Variants in KHDRBS2 observed in about 807,000 individuals in gnomAD.
KHDRBS2 encodes the protein KH domain-containing, RNA-binding, signal transduction-associated protein 2.
Under a neutral mutation model 44.3 loss-of-function variants are expected in KHDRBS2, and 26 were observed. The observed-to-expected ratio is 0.59, with a 90% CI of 0.43 to 0.81. KHDRBS2 has a LOEUF of 0.81. Ranked by LOEUF, KHDRBS2 falls within the 40% of genes least tolerant of loss-of-function variation. The probability of loss-of-function intolerance (pLI) is 0.00; values close to 1 mark genes in which losing one functional copy is unlikely to be tolerated. For missense variants in KHDRBS2, 476 were observed against 433.1 expected (o/e 1.10, Z -0.88); for synonymous variants, 194 against 151.1 (o/e 1.28, Z -2.08).
At chr6:61,988,047 GTTAGTGCCAAACACAAGTGA>G (rs1775396806) in intron 3 of KHDRBS2, among the ~76,000 whole-genome samples, 1 of 152,166 alleles carries the variant, frequency 6.6e-6, no homozygotes, top group African/African-American at 2.4e-5. Flanking sequence ...CAGAGATGTG[GTTAGTGCCAAACACAAGTGA>G]TTAGTGCCAA....
intron 6 of KHDRBS2, among the ~76,000 whole-genome samples, chr6:61,774,673 G>A (rs545451145): frequency 8.6e-5 from 13 of 152,018 alleles, no homozygotes; most frequent in African/African-American, 2.4e-4. Flanking sequence ...CCAAAAAGTC[G>A]AGGACCAGAT....
intron 4 of KHDRBS2, among the ~76,000 whole-genome samples, chr6:61,943,135 G>T (rs548211566): frequency 1.1e-4 from 13 of 118,688 alleles, no homozygotes; most frequent in East Asian, 2.7e-4. Flanking sequence ...AAGAAAGAAA[G>T]AAATAAAACC....
intron 6 of KHDRBS2, among the ~76,000 whole-genome samples, chr6:61,833,223 T>C (rs994594208): frequency 6.6e-6 from 1 of 152,160 alleles, no homozygotes; most frequent in Non-Finnish European, 1.5e-5. Context: ...TTATTGGCAT[T>C]GGTATGAATG....
chr6:61,672,867 A>C, the KHDRBS2 span, among the ~76,000 whole-genome samples: 5 of 151,164 alleles, frequency 3.3e-5, no homozygotes, highest in East Asian at 9.7e-4. Flanking sequence ...CCCATTTGTC[A>C]ATTTTGGCTT....
At position 61,807,742 on chromosome 6, in the gene KHDRBS2, C is replaced by A. The variant is rs191090214; in HGVS notation, c.811-74978G>T. 2.3e-3 allele frequency among the ~76,000 whole-genome samples: 343 copies of A among 152,100 alleles called. 2 individuals are homozygous for A. The highest frequency in any genetic ancestry group is 8.0e-3 in the African/African-American group (334 of 41,530). On this transcript the variant is annotated intron_variant, in intron 6 of 8. Transcript: ENST00000281156. ...GATATTATACTTATTAACTGGGTGACTAAATTATCTGTACACTAAACCCTC... is the reference window on the plus strand; with the variant it reads ...GATATTATACTTATTAACTGGGTGAATAAATTATCTGTACACTAAACCCTC...
intron 6 of KHDRBS2, among the ~76,000 whole-genome samples, chr6:61,804,059 C>A (rs566136487): frequency 6.6e-6 from 1 of 152,166 alleles, no homozygotes; most frequent in Middle Eastern, 3.4e-3. Context: ...AGTCATAATT[C>A]ATTTCAAGAT....
chr6:62,038,399 T>A (rs1327133367), intron 3 of KHDRBS2, among the ~76,000 whole-genome samples: 12 of 151,958 alleles, frequency 7.9e-5, no homozygotes, highest in Non-Finnish European at 1.2e-4. Context: ...AGTTTTCTAC[T>A]GTTTAACAAT....
At chr6:61,581,598 TATACA>T in the KHDRBS2 span, among the ~76,000 whole-genome samples, 1 of 147,604 alleles carries the variant, frequency 6.8e-6, no homozygotes, top group African/African-American at 2.5e-5. Flanking sequence ...CAATATACAA[TATACA>T]ATATAATATA....
At chr6:61,981,243 A>G (rs1032646345) in intron 3 of KHDRBS2, among the ~76,000 whole-genome samples, 2 of 152,204 alleles carry the variant, frequency 1.3e-5, no homozygotes, top group Non-Finnish European at 2.9e-5. Flanking sequence ...TTACTGATTC[A>G]AAACTAGAGT....
chr6:62,059,106 C>CA (rs1791000143), intron 2 of KHDRBS2, among the ~76,000 whole-genome samples: 1 of 118,972 alleles, frequency 8.4e-6, no homozygotes, highest in African/African-American at 3.2e-5. Context: ...GTAGTTTAAA[C>CA]AAAAAACTAA....
At chr6:61,610,777 A>T in the KHDRBS2 span, among the ~76,000 whole-genome samples, 1 of 152,262 alleles carries the variant, frequency 6.6e-6, no homozygotes, top group Non-Finnish European at 1.5e-5. Flanking sequence ...CAAAACAAGT[A>T]GCTACAACCC....
rs576080890 is a variant in KHDRBS2 at position 62,243,167 on chromosome 6, T to TAC, written c.91+42689_91+42690dup. ...CTAGAAATACAATATAATATATATA[T>TAC]ACACACACTACATATATATATCTAT... On this transcript the variant is annotated intron_variant, in intron 1 of 8. Coordinates refer to ENST00000281156, the MANE Select transcript of KHDRBS2 (RefSeq NM_152688.4). 2.5e-3 allele frequency among the ~76,000 whole-genome samples: 379 copies of TAC among 152,174 alleles called. 3 individuals are homozygous for TAC. The highest frequency in any genetic ancestry group is 8.4e-3 in the African/African-American group (347 of 41,544).
intron 4 of KHDRBS2, among the ~76,000 whole-genome samples, chr6:61,923,549 A>C (rs898376480): frequency 1.3e-4 from 19 of 151,198 alleles, no homozygotes; most frequent in Non-Finnish European, 2.5e-4. Flanking sequence ...GTAATTTATC[A>C]TAATGACAAA....
At chr6:61,655,276 G>A in the KHDRBS2 span, among the ~76,000 whole-genome samples, 2 of 150,918 alleles carry the variant, frequency 1.3e-5, no homozygotes, top group African/African-American at 4.9e-5. Flanking sequence ...TATTTCTTGA[G>A]AAGGAGTTTT....
At chr6:61,838,024 T>C (rs1423763559) in intron 6 of KHDRBS2, among the ~76,000 whole-genome samples, 2 of 152,050 alleles carry the variant, frequency 1.3e-5, no homozygotes, top group African/African-American at 4.8e-5. Flanking sequence ...CAGCAAACTT[T>C]TCTTCAGGAC....
chr6:62,179,716 C>G (rs1319814322), intron 1 of KHDRBS2, among the ~76,000 whole-genome samples: 4 of 151,752 alleles, frequency 2.6e-5, no homozygotes, highest in African/African-American at 9.7e-5. Context: ...AACCACAAAA[C>G]TACTACCTTA....
At chr6:61,607,230 C>G in the KHDRBS2 span, among the ~76,000 whole-genome samples, 1 of 151,526 alleles carries the variant, frequency 6.6e-6, no homozygotes, top group Non-Finnish European at 1.5e-5. Flanking sequence ...CAACTAAAGA[C>G]CATATCTGTG....
chr6:61,869,770 C>G (rs1272765112), intron 6 of KHDRBS2, among the ~76,000 whole-genome samples: 1 of 152,042 alleles, frequency 6.6e-6, no homozygotes, highest in African/African-American at 2.4e-5. Context: ...GGAATTCTCT[C>G]CCCTACCCAA....
At chr6:61,672,770 C>T in the KHDRBS2 span, among the ~76,000 whole-genome samples, 95 of 148,916 alleles carry the variant, frequency 6.4e-4, no homozygotes, top group Admixed American at 3.6e-3. Flanking sequence ...GAGTAGGTTG[C>T]GAAAATTTTC....
Sources: gnomAD v4.1 joint callset for allele counts (sites outside exome capture counted in the v4.1 genomes callset) on GRCh38, gnomAD v4.1.1 for gene constraint, MANE v1.5 for transcripts, NCBI Gene and HGNC (gene_info 2026-07-23, HGNC 2026-07-21) for gene names.